Variants in CPNE2 observed in about 807,000 individuals in gnomAD.
The protein encoded by CPNE2 is copine 2.
CPNE2 carries 42 observed loss-of-function variants against 69.7 expected under a neutral mutation model. The observed-to-expected ratio is 0.60, with a 90% confidence interval of 0.47 to 0.78. The LOEUF (loss-of-function observed/expected upper bound fraction) is 0.78, where lower values mean the gene tolerates loss of function less well. Among genes scored for constraint, CPNE2 ranks in the 30% least tolerant of loss-of-function variants. The pLI is 0.00. For synonymous variants in CPNE2, 294 were observed against 289.8 expected (o/e 1.01, Z -0.15); for missense variants, 587 against 732.0 (o/e 0.80, Z 2.29).
At position 57,092,928 on chromosome 16, in the gene CPNE2, C is replaced by A. The variant is rs2069553456; in HGVS notation, c.-36+138C>A. ...GGGGCTGCGGCGCTCTAGCCCCCGC[C>A]GCCAGCGCGAACCCGGACTCCGGCG... On this transcript the variant is annotated intron_variant, in intron 1 of 15. Transcript: ENST00000290776. The surrounding 1 kb of genome is among the most constrained non-coding windows in gnomAD (Gnocchi z 5.3). The A allele has an allele frequency of 2.0e-5, 3 of 152,086 alleles. No homozygotes were observed. The highest frequency in any genetic ancestry group is 2.1e-4 in the South Asian group (1 of 4,832). 9.4% of individuals were successfully genotyped at this position (152,086 alleles called of 1,614,324 possible).
rs2069760425 is a variant in CPNE2, at chr16:57,121,315, C to T, written c.780+124C>T. Reference sequence around the variant, plus strand: ...TCTGGCTGCATGACCTTGAGCAAGGCATTCAATCTAAGACTCAGTTTCTCC... The same window carrying T: ...TCTGGCTGCATGACCTTGAGCAAGGTATTCAATCTAAGACTCAGTTTCTCC... On this transcript the variant is annotated intron_variant, in intron 8 of 15. Coordinates refer to ENST00000290776, the MANE Select transcript of CPNE2 (RefSeq NM_152727.6). 5.4e-6 allele frequency: 4 copies of T among 747,008 alleles called. No individual in the cohort carries two copies. The South Asian group carries it at 5.4e-5, about 10-fold the overall frequency. The allele number at this position is 747,008 out of a possible 1,614,324, so 46.3% of individuals were successfully genotyped here.
chr16:57,094,804 G>C lies in CPNE2; in HGVS notation c.-36+2014G>C, dbSNP rs543369197. Among the ~76,000 whole-genome samples the C allele has an allele frequency of 1.9e-3, 292 of 152,278 alleles. 1 individual carries two copies. Among genetic ancestry groups the C allele is most frequent in the African/African-American group, 6.9e-3 (288 of 41,562 alleles). On this transcript the variant is annotated intron_variant, in intron 1 of 15. Coordinates refer to ENST00000290776, the MANE Select transcript of CPNE2 (RefSeq NM_152727.6). The stretch of plus-strand genomic sequence containing the variant: ...TGGGCTGTTCTAGGGGCAGGGGCCT[G>C]GGGTGAAAGAAGACCAGGAGAAGTG...
At chr16:57,138,555 G>T (rs2069899645) in intron 14 of CPNE2, among the ~76,000 whole-genome samples, 1 of 152,122 alleles carries the variant, frequency 6.6e-6, no homozygotes, top group Non-Finnish European at 1.5e-5. Context: ...CCCCCCGTGT[G>T]TTCCTCGAGC....
chr16:57,104,708 AGTGATCT>A (rs2069637609), intron 1 of CPNE2, among the ~76,000 whole-genome samples: 1 of 152,234 alleles, frequency 6.6e-6, no homozygotes, highest in South Asian at 2.1e-4. Context: ...TGTACATTGC[AGTGATCT>A]GTGAAGGAAG....
At chr16:57,144,445 G>A (rs2069942996) in intron 14 of CPNE2, 1 of 152,282 alleles carries the variant, frequency 6.6e-6, no homozygotes, top group Non-Finnish European at 1.5e-5. Context: ...TATGAAGGTG[G>A]CTAAGGGCTG....
intron 14 of CPNE2, among the ~76,000 whole-genome samples, chr16:57,138,740 C>T (rs1455471897): frequency 6.6e-6 from 1 of 152,210 alleles, no homozygotes; most frequent in East Asian, 1.9e-4. Flanking sequence ...TCCTTCTCTC[C>T]GTGCCTGGTC....
At chr16:57,136,383 C>G (rs1158411221) in intron 13 of CPNE2, among the ~76,000 whole-genome samples, 1 of 152,162 alleles carries the variant, frequency 6.6e-6, no homozygotes, top group Non-Finnish European at 1.5e-5. Context: ...AGGCACTGTG[C>G]GAACGCCTTG....
At chr16:57,134,898 G>A (rs1372829051) in intron 13 of CPNE2, 72 bp downstream of exon 13, 15 of 1,481,018 alleles carry the variant, frequency 1.0e-5, no homozygotes, top group Non-Finnish European at 1.4e-5. Flanking sequence ...GTGGAGGGAG[G>A]GCAGAGGACA....
Position 57,134,841 on chromosome 16 carries a change from C to T in CPNE2, c.1168+15C>T. The T allele has an allele frequency of 6.2e-7, 1 of 1,613,652 alleles. No individual in the cohort carries two copies. Among genetic ancestry groups the T allele is most frequent in the Non-Finnish European group, 8.5e-7 (1 of 1,179,780 alleles). On this transcript the variant is annotated intron_variant, in intron 13 of 15. Transcript: ENST00000290776. ...CTTCTGCTCAGGTGAGTGTCAGACC[C>T]ACCTGCAGCTGCCCTGTGTTTGCTA... is the stretch of plus-strand genomic sequence containing the variant.
At chr16:57,131,565 C>A (rs2069838643) in intron 12 of CPNE2, among the ~76,000 whole-genome samples, 1 of 152,230 alleles carries the variant, frequency 6.6e-6, no homozygotes, top group Non-Finnish European at 1.5e-5. Context: ...TTTTCTTGAG[C>A]AAAAGCCTCC....
At chr16:57,093,157 G>A (rs1047728583) in intron 1 of CPNE2, among the ~76,000 whole-genome samples, 5 of 152,106 alleles carry the variant, frequency 3.3e-5, no homozygotes, top group African/African-American at 9.7e-5. Context: ...TGCTGAAGGC[G>A]TGAGGTCGCC....
intron 1 of CPNE2, among the ~76,000 whole-genome samples, chr16:57,109,916 A>T (rs1214770763): frequency 2.0e-5 from 3 of 152,128 alleles, no homozygotes; most frequent in African/African-American, 7.2e-5. Flanking sequence ...TCTGGTTTAA[A>T]CGCCTCTGAC....
chr16:57,110,747 C>G lies in CPNE2; in HGVS notation c.5C>G (p.Ala2Gly). The change falls in exon 2 of 16, where the codon GCC becomes GGC. Residue 2 changes from alanine (A) to glycine (G), a missense_variant. Transcript: ENST00000290776. The stretch of plus-strand genomic sequence containing the variant: ...CTGCCACCGCCACCGGCTCCCATGG[C>G]CCACATACCCAGTGGGGGTGCCCCA... The part of the protein sequence containing the change: M[A>G]HIPSGGAPAA... 6.2e-7 allele frequency: 1 copy of G among 1,608,928 alleles called. No homozygotes were observed. The highest frequency in any genetic ancestry group is 8.5e-7 in the Non-Finnish European group (1 of 1,177,412).
intron 7 of CPNE2, 59 bp downstream of exon 7, chr16:57,119,709 C>G (rs887747879): frequency 8.3e-7 from 1 of 1,202,418 alleles, no homozygotes; most frequent in African/African-American, 1.5e-5. Context: ...CCCAGTCTAC[C>G]TGAGGCTCCC....
intron 12 of CPNE2, among the ~76,000 whole-genome samples, chr16:57,129,773 C>T (rs1322182717): frequency 1.3e-4 from 20 of 152,236 alleles, no homozygotes; most frequent in Admixed American, 5.9e-4. Flanking sequence ...GAGCCGAGAT[C>T]GTGCCACTGC....
rs565683159 is a variant in CPNE2 at position 57,148,029 on chromosome 16, G to C, written c.*371G>C. 5.7e-6 allele frequency: 1 copy of C among 175,264 alleles called. No homozygotes were observed. Among genetic ancestry groups the C allele is most frequent in the African/African-American group, 2.4e-5 (1 of 42,316 alleles). 10.9% of individuals were successfully genotyped at this position (175,264 alleles called of 1,614,324 possible). ...AAAGAAACATGTCCTTGGTGCATAC[G>C]TGTCGTAGCCTGCACCTAATTAATT... On this transcript the variant is annotated 3_prime_UTR_variant, in exon 16 of 16. Coordinates refer to ENST00000290776, the MANE Select transcript of CPNE2 (RefSeq NM_152727.6).
chr16:57,131,416 G>T, intron 12 of CPNE2, among the ~76,000 whole-genome samples: 1 of 152,154 alleles, frequency 6.6e-6, no homozygotes, highest in East Asian at 1.9e-4. Flanking sequence ...GCTCCCTGTG[G>T]TGTGAGGCTA....
chr16:57,113,667 T>A (rs2069696899), intron 3 of CPNE2, among the ~76,000 whole-genome samples, 200 bp downstream of exon 3: 1 of 152,230 alleles, frequency 6.6e-6, no homozygotes, highest in Admixed American at 6.5e-5. Flanking sequence ...ACAGAATGCC[T>A]CTCAGGATCT....
At chr16:57,111,908 G>A (rs2069683926) in intron 2 of CPNE2, among the ~76,000 whole-genome samples, 1 of 152,194 alleles carries the variant, frequency 6.6e-6, no homozygotes, top group South Asian at 2.1e-4. Context: ...AACTATTGGA[G>A]TAAATGTAGA....
Sources: allele counts gnomAD v4.1 joint callset (sites outside exome capture counted in the v4.1 genomes callset), GRCh38; gene constraint gnomAD v4.1.1; non-coding constraint Gnocchi (gnomAD v3.1); transcripts MANE v1.5; gene names NCBI Gene and HGNC (gene_info 2026-07-23, HGNC 2026-07-21).